AGBL1: variants seen among roughly 807,000 people sequenced by gnomAD.
AGBL1 encodes AGBL carboxypeptidase 1.
In AGBL1, 130 loss-of-function variants were observed where a neutral mutation model predicts 118.9. The ratio of observed to expected loss-of-function variants is 1.09; its 90% CI spans 0.95 to 1.26. The LOEUF is 1.26. AGBL1 is among the 50% of genes most tolerant of loss of function. AGBL1 has a pLI of 0.00. For synonymous variants in AGBL1, 555 were observed against 478.9 expected, an observed-to-expected ratio of 1.16 and a Z score of -2.08; for missense variants, 1,584 against 1,298.1, an observed-to-expected ratio of 1.22 and a Z score of -3.38.
chr15:86,852,832 G>A (rs1164607627), intron 22 of AGBL1, among the ~76,000 whole-genome samples: 1 of 152,182 alleles, frequency 6.6e-6, no homozygotes, highest in Non-Finnish European at 1.5e-5. Flanking sequence ...GTTTGAAGCA[G>A]TGGCTCTCAG....
chr15:86,891,018 C>G (rs1259733539), intron 22 of AGBL1, among the ~76,000 whole-genome samples: 2 of 152,150 alleles, frequency 1.3e-5, no homozygotes, highest in African/African-American at 4.8e-5. Flanking sequence ...ATTAATTCTT[C>G]CTATCCATGA....
chr15:86,211,574 T>A (rs1321811819), intron 5 of AGBL1, among the ~76,000 whole-genome samples: 1 of 152,220 alleles, frequency 6.6e-6, no homozygotes, highest in Non-Finnish European at 1.5e-5. Flanking sequence ...GCAAGGCTGC[T>A]ACCTCACAGG....
chr15:86,117,006 C>G (rs957685972), intron 1 of AGBL1, among the ~76,000 whole-genome samples: 4 of 148,510 alleles, frequency 2.7e-5, no homozygotes, highest in Non-Finnish European at 5.9e-5. Context: ...GCTTAGTGAT[C>G]TATCAATGGT....
intron 23 of AGBL1, among the ~76,000 whole-genome samples, chr15:86,958,069 G>C (rs558646292): frequency 6.6e-6 from 1 of 151,960 alleles, no homozygotes; most frequent in African/African-American, 2.4e-5. Flanking sequence ...AGCCGATTGT[G>C]TGTCATACAA....
chr15:86,630,873 A>G (rs181777001), intron 21 of AGBL1, among the ~76,000 whole-genome samples: 6 of 152,378 alleles, frequency 3.9e-5, no homozygotes, highest in African/African-American at 1.4e-4. Flanking sequence ...GATCTGTTCA[A>G]ACCCGGAGAG....
chr15:86,588,596 A>T (rs2084288531), intron 21 of AGBL1, among the ~76,000 whole-genome samples: 1 of 152,180 alleles, frequency 6.6e-6, no homozygotes, highest in Non-Finnish European at 1.5e-5. Flanking sequence ...CACCACGGCA[A>T]CCACAACCTG....
intron 7 of AGBL1, among the ~76,000 whole-genome samples, chr15:86,250,954 C>A (rs531108407): frequency 1.4e-4 from 21 of 152,254 alleles, no homozygotes; most frequent in Admixed American, 1.3e-3. Context: ...ATTGCTACTG[C>A]CAGTGATAGT....
intron 22 of AGBL1, among the ~76,000 whole-genome samples, chr15:86,768,586 A>T (rs1412300683): frequency 6.6e-6 from 1 of 151,872 alleles, no homozygotes; most frequent in African/African-American, 2.4e-5. Flanking sequence ...TCCTTTAGGC[A>T]CTTCAAATTT....
intron 18 of AGBL1, among the ~76,000 whole-genome samples, chr15:86,431,214 A>G (rs1022880053): frequency 6.6e-6 from 1 of 152,222 alleles, no homozygotes. Flanking sequence ...CTGACTTGGC[A>G]TCTGGGGATT....
intron 24 of AGBL1, among the ~76,000 whole-genome samples, chr15:87,001,519 G>A (rs2081437258): frequency 6.6e-6 from 1 of 151,976 alleles, no homozygotes; most frequent in African/African-American, 2.4e-5. Context: ...TGGGACAAAT[G>A]GTATTTCTAG....
At chr15:86,131,061 G>A (rs2076812837) in intron 1 of AGBL1, among the ~76,000 whole-genome samples, 1 of 152,144 alleles carries the variant, frequency 6.6e-6, no homozygotes, top group Non-Finnish European at 1.5e-5. Context: ...TTTCCGTATG[G>A]CAAGACCCAT....
intron 22 of AGBL1, among the ~76,000 whole-genome samples, chr15:86,681,440 C>A (rs561766681): frequency 6.6e-6 from 1 of 152,190 alleles, no homozygotes; most frequent in Non-Finnish European, 1.5e-5. Context: ...TTCCAGATAC[C>A]TTTATACAGC....
chr15:86,084,339 T>C (rs1461198967), intron 1 of AGBL1, among the ~76,000 whole-genome samples: 3 of 152,154 alleles, frequency 2.0e-5, no homozygotes, highest in Admixed American at 1.3e-4. Context: ...TTGGAGAAAA[T>C]GAACAATTAT....
intron 24 of AGBL1, among the ~76,000 whole-genome samples, chr15:87,004,136 A>T (rs892709704): frequency 2.6e-5 from 4 of 152,176 alleles, no homozygotes; most frequent in African/African-American, 9.7e-5. Context: ...CACTGCTTTA[A>T]ATATGTCCCA....
At chr15:87,008,832 G>C (rs1167672826) in intron 24 of AGBL1, among the ~76,000 whole-genome samples, 1 of 152,194 alleles carries the variant, frequency 6.6e-6, no homozygotes, top group African/African-American at 2.4e-5. Flanking sequence ...CCCTGCCCTA[G>C]AGATTTGTGG....
chr15:86,805,030 A>C (rs1412413984), intron 22 of AGBL1, among the ~76,000 whole-genome samples: 3 of 152,080 alleles, frequency 2.0e-5, no homozygotes, highest in African/African-American at 7.2e-5. Context: ...TCCCAGTGCC[A>C]AGTTTCTAGT....
chr15:86,464,870 A>AT (rs1315077348), intron 18 of AGBL1, among the ~76,000 whole-genome samples: 1 of 151,656 alleles, frequency 6.6e-6, no homozygotes, highest in Non-Finnish European at 1.5e-5. Context: ...TTTCGCATCA[A>AT]TGTTCATTAG....
chr15:86,080,233 G>C, intron 1 of AGBL1: 1 of 390,818 alleles, frequency 2.6e-6, no homozygotes, highest in Non-Finnish European at 4.5e-6. Flanking sequence ...TGATTGTTCT[G>C]CTTAAATTAT....
At chr15:86,839,744 T>C (rs1438192870) in intron 22 of AGBL1, among the ~76,000 whole-genome samples, 2 of 152,160 alleles carry the variant, frequency 1.3e-5, no homozygotes, top group Non-Finnish European at 2.9e-5. Context: ...GCATATAGGA[T>C]AGATAGGTGA....
Sources: gnomAD v4.1 joint callset for allele counts (sites outside exome capture counted in the v4.1 genomes callset) on GRCh38, gnomAD v4.1.1 for gene constraint, MANE v1.5 for transcripts, NCBI Gene and HGNC (gene_info 2026-07-23, HGNC 2026-07-21) for gene names.